Variants in KHDRBS2 observed in about 807,000 individuals in gnomAD.
KHDRBS2 encodes the protein KH RNA binding domain containing, signal transduction associated 2.
Under a neutral mutation model 44.3 loss-of-function variants are expected in KHDRBS2, and 26 were observed. The ratio of observed to expected loss-of-function variants is 0.59; its 90% CI spans 0.43 to 0.81. The LOEUF (loss-of-function observed/expected upper bound fraction) is 0.81. Among genes scored for constraint, KHDRBS2 ranks in the 40% least tolerant of loss-of-function variants. The probability of loss-of-function intolerance (pLI) is 0.00; values close to 1 mark genes in which losing one functional copy is unlikely to be tolerated. For missense variants in KHDRBS2, 476 were observed against 433.1 expected, an observed-to-expected ratio of 1.10 and a Z score of -0.88; for synonymous variants, 194 against 151.1, an observed-to-expected ratio of 1.28 and a Z score of -2.08.
intron 4 of KHDRBS2, among the ~76,000 whole-genome samples, chr6:61,915,169 G>A (rs1806768226): frequency 1.3e-5 from 2 of 152,010 alleles, no homozygotes; most frequent in African/African-American, 4.8e-5. Flanking sequence ...AATGGCCTTT[G>A]GAAGGATCAC....
intron 2 of KHDRBS2, among the ~76,000 whole-genome samples, chr6:62,078,126 C>T (rs564522296): frequency 1.3e-5 from 2 of 152,062 alleles, no homozygotes; most frequent in South Asian, 4.1e-4. Flanking sequence ...ACCTAGTCTC[C>T]ACAGTTTTGC....
chr6:62,027,205 A>G (rs1470442286), intron 3 of KHDRBS2, among the ~76,000 whole-genome samples: 3 of 152,052 alleles, frequency 2.0e-5, no homozygotes, highest in Non-Finnish European at 4.4e-5. Context: ...TTGTGGGGAG[A>G]GTGTGTTGAC....
At chr6:61,863,683 G>A (rs1797354583) in intron 6 of KHDRBS2, among the ~76,000 whole-genome samples, 1 of 152,000 alleles carries the variant, frequency 6.6e-6, no homozygotes, top group African/African-American at 2.4e-5. Context: ...GCATTTGCTG[G>A]GGAGTGTTTT....
At chr6:61,742,998 A>T (rs2127564810) in intron 6 of KHDRBS2, among the ~76,000 whole-genome samples, 1 of 152,246 alleles carries the variant, frequency 6.6e-6, no homozygotes, top group South Asian at 2.1e-4. Flanking sequence ...ACTATAAGAC[A>T]TTCTCTGCCA....
intron 4 of KHDRBS2, among the ~76,000 whole-genome samples, chr6:61,960,938 A>T (rs775566805): frequency 6.6e-6 from 1 of 152,128 alleles, no homozygotes; most frequent in Non-Finnish European, 1.5e-5. Context: ...AGTAAAGAGC[A>T]TCATGCAGAC....
At chr6:62,090,501 T>C (rs1443865686) in intron 2 of KHDRBS2, among the ~76,000 whole-genome samples, 1 of 152,124 alleles carries the variant, frequency 6.6e-6, no homozygotes, top group Non-Finnish European at 1.5e-5. Context: ...GGGCTATATC[T>C]GTTAATACCA....
chr6:61,964,231 C>CAT (rs1378641474), intron 4 of KHDRBS2, among the ~76,000 whole-genome samples: 3 of 151,988 alleles, frequency 2.0e-5, no homozygotes, highest in African/African-American at 7.2e-5. Flanking sequence ...GGAGCCCACA[C>CAT]ATATATATGT....
intron 1 of KHDRBS2, among the ~76,000 whole-genome samples, chr6:62,195,955 T>C (rs1187490344): frequency 6.6e-6 from 1 of 152,164 alleles, no homozygotes; most frequent in African/African-American, 2.4e-5. Flanking sequence ...TTTAATGTTG[T>C]TGAGCTGCCT....
intron 6 of KHDRBS2, among the ~76,000 whole-genome samples, chr6:61,821,609 G>C (rs1012909890): frequency 2.0e-5 from 3 of 151,934 alleles, no homozygotes; most frequent in Non-Finnish European, 4.4e-5. Flanking sequence ...ATCTTTCCTT[G>C]GCTATGTTCC....
intron 2 of KHDRBS2, among the ~76,000 whole-genome samples, chr6:62,126,685 C>G (rs1008709413): frequency 1.3e-5 from 2 of 152,140 alleles, no homozygotes; most frequent in African/African-American, 4.8e-5. Flanking sequence ...GTATATTTTG[C>G]CTCCTTCTTA....
chr6:62,057,599 G>A (rs59087458), intron 2 of KHDRBS2, among the ~76,000 whole-genome samples: 5,215 of 151,908 alleles, frequency 0.034, 308 homozygotes, highest in African/African-American at 0.12. Context: ...CTCTTTTGAA[G>A]ACAGAAAATA....
chr6:61,799,266 T>A (rs1785873261), intron 6 of KHDRBS2, among the ~76,000 whole-genome samples: 1 of 152,066 alleles, frequency 6.6e-6, no homozygotes, highest in African/African-American at 2.4e-5. Flanking sequence ...TAATTTTGAA[T>A]AACTCGAGGG....
chr6:61,945,142 T>TAA, intron 4 of KHDRBS2, among the ~76,000 whole-genome samples: 1 of 106,810 alleles, frequency 9.4e-6, no homozygotes, highest in African/African-American at 3.4e-5. Flanking sequence ...TATATATATA[T>TAA]ATATATATAC....
intron 2 of KHDRBS2, among the ~76,000 whole-genome samples, chr6:62,085,919 C>A (rs1584602855): frequency 1.3e-5 from 2 of 152,024 alleles, no homozygotes; most frequent in East Asian, 3.9e-4. Context: ...AGTGGATTTC[C>A]TTTGGGAATT....
intron 2 of KHDRBS2, among the ~76,000 whole-genome samples, chr6:62,134,015 G>GA (rs1168409557): frequency 6.6e-6 from 1 of 152,150 alleles, no homozygotes; most frequent in African/African-American, 2.4e-5. Context: ...CAACAGAAAA[G>GA]AAAAATCCCA....
intron 6 of KHDRBS2, among the ~76,000 whole-genome samples, chr6:61,799,359 G>GT (rs1183829025): frequency 4.0e-5 from 6 of 151,568 alleles, no homozygotes; most frequent in Admixed American, 1.3e-4. Context: ...TTTTTGCATA[G>GT]TTTTTTCTTT....
intron 2 of KHDRBS2, among the ~76,000 whole-genome samples, chr6:62,093,990 G>A (rs1463980418): frequency 6.6e-6 from 1 of 151,782 alleles, no homozygotes; most frequent in Non-Finnish European, 1.5e-5. Context: ...ATAAACATGA[G>A]AGTGCAGATA....
At chr6:62,199,665 T>G (rs1826497459) in intron 1 of KHDRBS2, among the ~76,000 whole-genome samples, 2 of 152,120 alleles carry the variant, frequency 1.3e-5, no homozygotes, top group Admixed American at 1.3e-4. Flanking sequence ...CTGCCCAAGG[T>G]AATTTAGAGA....
chr6:61,869,598 G>A (rs144188691), intron 6 of KHDRBS2, among the ~76,000 whole-genome samples: 2 of 152,178 alleles, frequency 1.3e-5, no homozygotes, highest in East Asian at 1.9e-4. Context: ...GAACAGCTCC[G>A]GTCTGCAGCT....
Sources: allele counts gnomAD v4.1 joint callset (sites outside exome capture counted in the v4.1 genomes callset), GRCh38; gene constraint gnomAD v4.1.1; transcripts MANE v1.5; gene names NCBI Gene and HGNC (gene_info 2026-07-23, HGNC 2026-07-21).